Variants in TENM3 observed in about 807,000 individuals in gnomAD.
TENM3 encodes teneurin transmembrane protein 3.
A neutral mutation model predicts 255.1 loss-of-function variants in TENM3; 63 were observed. The ratio of observed to expected loss-of-function variants is 0.25; its 90% CI spans 0.20 to 0.30. The LOEUF (loss-of-function observed/expected upper bound fraction) is 0.30. Ranked by LOEUF, TENM3 falls within the 10% of genes least tolerant of loss-of-function variation. The pLI is 1.00. For synonymous variants in TENM3, 1,306 were observed against 1,322.3 expected (o/e 0.99, Z 0.27); for missense variants, 2,929 against 3,461.1 (o/e 0.85, Z 3.86).
chr4:182,628,259 G>T (rs1751023619), intron 4 of TENM3, among the ~76,000 whole-genome samples: 1 of 152,090 alleles, frequency 6.6e-6, no homozygotes, highest in South Asian at 2.1e-4. Context: ...CCATGTAGCT[G>T]GGTTTCTTTT....
chr4:182,408,885 T>G (rs1179279109), intron 3 of TENM3, among the ~76,000 whole-genome samples: 6 of 152,302 alleles, frequency 3.9e-5, no homozygotes, highest in Admixed American at 1.3e-4. Context: ...TCCCGTTAAA[T>G]TATCAGTGTG....
chr4:181,532,288 A>G, the TENM3 span, among the ~76,000 whole-genome samples: 3 of 152,164 alleles, frequency 2.0e-5, no homozygotes, highest in Admixed American at 6.5e-5. Context: ...GACTTTTATC[A>G]CAGTTACAAT....
chr4:181,990,255 A>G, the TENM3 span, among the ~76,000 whole-genome samples: 1 of 152,292 alleles, frequency 6.6e-6, no homozygotes. Flanking sequence ...AAATACAGCC[A>G]TAAAACAAGC....
chr4:182,202,882 T>A (rs1296593118), intron 1 of TENM3, among the ~76,000 whole-genome samples: 2 of 152,116 alleles, frequency 1.3e-5, no homozygotes, highest in Non-Finnish European at 2.9e-5. Context: ...ATGGAAAGCC[T>A]ACACGATCCC....
At chr4:181,792,721 C>A in the TENM3 span, among the ~76,000 whole-genome samples, 3 of 152,118 alleles carry the variant, frequency 2.0e-5, no homozygotes, top group Non-Finnish European at 4.4e-5. Flanking sequence ...TTTTCCACAG[C>A]AGCAATGCAA....
Position 182,653,898 on chromosome 4 carries a change from G to A in TENM3, c.1111+5G>A, listed in dbSNP as rs996303041. On this transcript the variant is annotated splice_donor_5th_base_variant and intron_variant, in intron 6 of 27. Transcript: ENST00000511685. The stretch of plus-strand genomic sequence containing the variant: ...CATTACCTTCTGGAGACAATGGTAA[G>A]CGAAAGAATTATGTATCCTGTGTTT... 1 of 1,605,470 alleles carries A rather than the reference G, an allele frequency of 6.2e-7. No individual in the cohort carries two copies.
chr4:181,582,180 T>A, the TENM3 span, among the ~76,000 whole-genome samples: 4 of 152,234 alleles, frequency 2.6e-5, no homozygotes, highest in Admixed American at 6.5e-5. Context: ...TGGCAGGTAC[T>A]ATAATGTTTT....
At chr4:181,938,698 C>T in the TENM3 span, among the ~76,000 whole-genome samples, 1 of 152,172 alleles carries the variant, frequency 6.6e-6, no homozygotes, top group Non-Finnish European at 1.5e-5. Flanking sequence ...GTGCCCATTT[C>T]GAGCCCTTTG....
chr4:182,335,494 C>CAGAA (rs1554051180), intron 2 of TENM3, among the ~76,000 whole-genome samples: 601 of 52,414 alleles, frequency 0.011, 22 homozygotes, highest in African/African-American at 0.039. Context: ...GACTCCGCCT[C>CAGAA]AAAAAAAAAA....
the TENM3 span, among the ~76,000 whole-genome samples, chr4:181,846,235 CAT>C: frequency 3.8e-4 from 57 of 151,884 alleles, no homozygotes; most frequent in East Asian, 7.7e-3. Context: ...TAAAAATAAA[CAT>C]GTGAAAATAT....
chr4:182,743,691 A>G lies in TENM3; in HGVS notation c.3629+272A>G, dbSNP rs867282263. 2.6e-5 allele frequency among the ~76,000 whole-genome samples: 4 copies of G among 152,190 alleles called. No homozygotes were observed. The East Asian group carries it at 5.8e-4, about 22-fold the overall frequency. On this transcript the variant is annotated intron_variant, in intron 19 of 27. Transcript: ENST00000511685. ...TTCTGTGCTCTAAAAGGCTAGAGCTATGATTCTTAAATCTCTTTCGCTTTC... is the reference window on the plus strand; with the variant it reads ...TTCTGTGCTCTAAAAGGCTAGAGCTGTGATTCTTAAATCTCTTTCGCTTTC...
In TENM3 at chr4:182,690,937, T is replaced by C. The variant is rs549419554; in HGVS notation, c.2221+2586T>C. Among the ~76,000 whole-genome samples, 20 of 152,364 alleles carry C rather than the reference T, an allele frequency of 1.3e-4. No homozygotes were observed. In the South Asian group the frequency reaches 3.7e-3, roughly 28 times the overall value. ...TCCATATGAATAACATTGTGGGAAA[T>C]AAGGGACCTGCTTCATTTACAAATA... On this transcript the variant is annotated intron_variant, in intron 12 of 27. Coordinates refer to ENST00000511685, the MANE Select transcript of TENM3 (RefSeq NM_001080477.4).
intron 3 of TENM3, among the ~76,000 whole-genome samples, chr4:182,478,390 A>T (rs1382426366): frequency 6.6e-6 from 1 of 151,940 alleles, no homozygotes; most frequent in African/African-American, 2.4e-5. Context: ...GCTAATATTC[A>T]TTCTGCTTAT....
intron 3 of TENM3, among the ~76,000 whole-genome samples, chr4:182,477,291 G>A (rs952160557): frequency 6.6e-6 from 1 of 152,136 alleles, no homozygotes; most frequent in Admixed American, 6.5e-5. Context: ...TGAGCATCCT[G>A]GGTGACTGTT....
At chr4:181,743,090 G>A in the TENM3 span, among the ~76,000 whole-genome samples, 3 of 151,802 alleles carry the variant, frequency 2.0e-5, no homozygotes, top group East Asian at 5.8e-4. Context: ...TGGACATTTG[G>A]GTTGGTTCCA....
At chr4:182,153,375 T>C (rs1296629929) in intron 1 of TENM3, among the ~76,000 whole-genome samples, 2 of 152,102 alleles carry the variant, frequency 1.3e-5, no homozygotes, top group Non-Finnish European at 2.9e-5. Context: ...TCATACAGTG[T>C]GCATGAATGC....
At chr4:182,713,663 G>T (rs1028355177) in intron 12 of TENM3, among the ~76,000 whole-genome samples, 1 of 152,078 alleles carries the variant, frequency 6.6e-6, no homozygotes, top group African/African-American at 2.4e-5. Context: ...AAGCAACAAG[G>T]TGCTTTAAGA....
At chr4:182,017,363 T>C in the TENM3 span, among the ~76,000 whole-genome samples, 46 of 152,368 alleles carry the variant, frequency 3.0e-4, 1 homozygote, top group African/African-American at 1.1e-3. Context: ...CTAGTGAAAA[T>C]TGGCTTGCTT....
chr4:182,567,523 G>A (rs144600687), intron 3 of TENM3, among the ~76,000 whole-genome samples: 2 of 152,224 alleles, frequency 1.3e-5, no homozygotes, highest in African/African-American at 4.8e-5. Context: ...CCTGGCTCCT[G>A]TTACCTCTGA....
Sources: allele counts gnomAD v4.1 joint callset (sites outside exome capture counted in the v4.1 genomes callset), GRCh38; gene constraint gnomAD v4.1.1; transcripts MANE v1.5; gene names NCBI Gene and HGNC (gene_info 2026-07-23, HGNC 2026-07-21).